Variants in GLG1 observed in about 807,000 individuals in gnomAD.
GLG1 encodes golgi glycoprotein 1.
GLG1 carries 38 observed loss-of-function variants against 160.5 expected under a neutral mutation model. That is an observed-to-expected ratio of 0.24 (90% CI 0.18 to 0.31). The LOEUF (loss-of-function observed/expected upper bound fraction) is 0.31. Among genes scored for constraint, GLG1 ranks in the 10% least tolerant of loss-of-function variants. GLG1 has a pLI of 1.00. For missense variants in GLG1, 1,373 were observed against 1,505.2 expected, an observed-to-expected ratio of 0.91 and a Z score of 1.45; for synonymous variants, 644 against 543.4, an observed-to-expected ratio of 1.19 and a Z score of -2.57.
intron 1 of GLG1, among the ~76,000 whole-genome samples, chr16:74,593,416 G>A (rs992192921): frequency 4.1e-5 from 6 of 146,680 alleles, no homozygotes; most frequent in Non-Finnish European, 7.4e-5. Flanking sequence ...TAAATTACAA[G>A]TGAAGTACCA....
At position 74,578,373 on chromosome 16, in the gene GLG1, G is replaced by A. The variant is rs372336437; in HGVS notation, c.438+28284C>T. ...ATTTTATCCTCTAGCTTTGTAGGATGTCTTACTTTATGAAGTTCAATTTCA... is the reference window on the plus strand; with the variant it reads ...ATTTTATCCTCTAGCTTTGTAGGATATCTTACTTTATGAAGTTCAATTTCA... On this transcript the variant is annotated intron_variant, in intron 1 of 25. Coordinates refer to ENST00000422840, the MANE Select transcript of GLG1 (RefSeq NM_001145667.2). 7.2e-5 allele frequency among the ~76,000 whole-genome samples: 11 copies of A among 152,302 alleles called. No individual in the cohort carries two copies. The East Asian group carries it at 7.7e-4, about 11-fold the overall frequency.
intron 1 of GLG1, among the ~76,000 whole-genome samples, chr16:74,546,746 G>A (rs1451728413): frequency 7.1e-6 from 1 of 141,016 alleles, no homozygotes; most frequent in Non-Finnish European, 1.5e-5. Context: ...GCTGAGGCAG[G>A]AGAATCACTT....
At chr16:74,546,780 G>T (rs1340370939) in intron 1 of GLG1, among the ~76,000 whole-genome samples, 4 of 127,482 alleles carry the variant, frequency 3.1e-5, no homozygotes, top group African/African-American at 1.2e-4. Flanking sequence ...GGAGGTTGCA[G>T]TGAGCTGAGA....
Position 74,451,844 on chromosome 16 carries a change from T to G in GLG1, c.*1323A>C. On this transcript the variant is annotated 3_prime_UTR_variant, in exon 26 of 26. Coordinates refer to ENST00000422840, the MANE Select transcript of GLG1 (RefSeq NM_001145667.2). ...GAGGCGGGATGGCCAAGAATATTGC[T>G]TCTATAAAGCCCATATTCTGCAAAG... is the stretch of plus-strand genomic sequence containing the variant. The G allele has an allele frequency of 1.9e-6, 1 of 520,708 alleles. No homozygotes were observed. 32.3% of individuals were successfully genotyped at this position (520,708 alleles called of 1,614,324 possible). A position where few individuals can be genotyped will look rare whatever the true frequency, so the allele number is the denominator to read the frequency against.
intron 1 of GLG1, among the ~76,000 whole-genome samples, chr16:74,543,798 A>G (rs1158346164): frequency 6.6e-6 from 1 of 152,014 alleles, no homozygotes; most frequent in Non-Finnish European, 1.5e-5. Context: ...CAAAGTACAA[A>G]GTACAAAAGA....
intron 4 of GLG1, among the ~76,000 whole-genome samples, chr16:74,502,443 T>C (rs931771014): frequency 8.5e-5 from 13 of 152,210 alleles, no homozygotes; most frequent in African/African-American, 3.1e-4. Flanking sequence ...ATATATCACA[T>C]TTAGAGAGGA....
intron 1 of GLG1, among the ~76,000 whole-genome samples, chr16:74,564,874 A>G (rs576438133): frequency 1.4e-4 from 21 of 152,196 alleles, no homozygotes; most frequent in Non-Finnish European, 2.4e-4. Flanking sequence ...AAAACAAGAG[A>G]TCCCAGCATA....
chr16:74,458,903 A>G (rs561910741), intron 23 of GLG1, among the ~76,000 whole-genome samples: 1 of 152,312 alleles, frequency 6.6e-6, no homozygotes, highest in Admixed American at 6.5e-5. Context: ...TAAGGGAACT[A>G]TGGGAGGTAA....
Position 74,542,417 on chromosome 16 carries a change from C to G in GLG1, c.439-10264G>C, listed in dbSNP as rs189431510. Reference sequence around the variant, plus strand: ...GCGCGGTGGCTCACGTCTGTAATTCCAGCACTTTCGGAGGCTGAGGCGGGC... The same window carrying G: ...GCGCGGTGGCTCACGTCTGTAATTCGAGCACTTTCGGAGGCTGAGGCGGGC... On this transcript the variant is annotated intron_variant, in intron 1 of 25. Coordinates refer to ENST00000422840, the MANE Select transcript of GLG1 (RefSeq NM_001145667.2). Among the ~76,000 whole-genome samples, 772 of 152,118 alleles carry G rather than the reference C, an allele frequency of 5.1e-3. 1 individual carries two copies. Among genetic ancestry groups the G allele is most frequent in the Non-Finnish European group, 8.6e-3 (587 of 68,004 alleles).
chr16:74,462,466 T>G, intron 21 of GLG1, 22 bp downstream of exon 21: 1 of 1,605,970 alleles, frequency 6.2e-7, no homozygotes, highest in South Asian at 1.1e-5. Flanking sequence ...TACACCTTTG[T>G]GGAGAGCCCA....
chr16:74,597,613 G>A (rs1406119316), intron 1 of GLG1, among the ~76,000 whole-genome samples: 1 of 152,162 alleles, frequency 6.6e-6, no homozygotes, highest in East Asian at 1.9e-4. Flanking sequence ...CAACACTTTG[G>A]GAGGCCGAAG....
At chr16:74,497,045 G>A (rs533341838) in intron 4 of GLG1, among the ~76,000 whole-genome samples, 9 of 152,046 alleles carry the variant, frequency 5.9e-5, no homozygotes, top group South Asian at 2.1e-4. Flanking sequence ...TTGGAAGGCC[G>A]AGGCAGGTGG....
At chr16:74,606,390 T>C (rs1958566394) in intron 1 of GLG1, among the ~76,000 whole-genome samples, 1 of 152,194 alleles carries the variant, frequency 6.6e-6, no homozygotes, top group African/African-American at 2.4e-5. Context: ...AGACACGCTC[T>C]GGGCCTCGGC....
chr16:74,504,250 C>A (rs1020106124), intron 3 of GLG1, among the ~76,000 whole-genome samples: 2 of 152,120 alleles, frequency 1.3e-5, no homozygotes, highest in African/African-American at 4.8e-5. Flanking sequence ...CAAGGAGAGA[C>A]AGGAGGGAAG....
intron 3 of GLG1, among the ~76,000 whole-genome samples, chr16:74,504,862 AG>A (rs1357458811): frequency 1.1e-4 from 17 of 152,338 alleles, no homozygotes; most frequent in Admixed American, 1.0e-3. Flanking sequence ...ATGCTAATAA[AG>A]CAAACTAGCC....
At chr16:74,574,044 G>A (rs2018916071) in intron 1 of GLG1, among the ~76,000 whole-genome samples, 1 of 152,114 alleles carries the variant, frequency 6.6e-6, no homozygotes, top group Non-Finnish European at 1.5e-5. Flanking sequence ...CTCCACGGAA[G>A]TAAGCAACAT....
intron 1 of GLG1, among the ~76,000 whole-genome samples, chr16:74,546,910 T>C (rs550123395): frequency 4.0e-5 from 6 of 148,186 alleles, no homozygotes; most frequent in Admixed American, 6.8e-5. Context: ...ACCATTTTAA[T>C]GAAGTTTGAA....
intron 1 of GLG1, among the ~76,000 whole-genome samples, chr16:74,536,080 G>A (rs2143628383): frequency 6.6e-6 from 1 of 152,270 alleles, no homozygotes; most frequent in East Asian, 1.9e-4. Context: ...CTATGCTTCA[G>A]CACTCAGTCA....
intron 1 of GLG1, among the ~76,000 whole-genome samples, chr16:74,594,138 C>T (rs1483880720): frequency 6.6e-6 from 1 of 152,152 alleles, no homozygotes; most frequent in African/African-American, 2.4e-5. Flanking sequence ...AACCCCTGAC[C>T]TCAGGTGATC....
Sources: gnomAD v4.1 joint callset for allele counts (sites outside exome capture counted in the v4.1 genomes callset) on GRCh38, gnomAD v4.1.1 for gene constraint, MANE v1.5 for transcripts, NCBI Gene and HGNC (gene_info 2026-07-23, HGNC 2026-07-21) for gene names.